The following B4GALT4 variants were observed in gnomAD, a reference collection of about 807,000 sequenced individuals.
The protein encoded by B4GALT4 is beta-1,4-galactosyltransferase 4, also known as N-acetyllactosamine synthase.
In B4GALT4, 27 loss-of-function variants were observed where a neutral mutation model predicts 37.3. The ratio of observed to expected loss-of-function variants is 0.72; its 90% CI spans 0.53 to 1.00. The LOEUF is 1.00. Among genes scored for constraint, B4GALT4 ranks in the 50% least tolerant of loss-of-function variants. The pLI, the probability that B4GALT4 is intolerant of heterozygous loss-of-function variation, is 0.00. For missense variants in B4GALT4, 372 were observed against 413.1 expected (o/e 0.90, Z 0.86); for synonymous variants, 148 against 154.1 (o/e 0.96, Z 0.29).
chr3:119,224,485 C>G (rs6438507), intron 4 of B4GALT4, among the ~76,000 whole-genome samples: 150,526 of 152,356 alleles, frequency 0.99, 74,388 homozygotes, highest in Middle Eastern at 1. Context: ...AATCCAAAGA[C>G]TTGTTGTTTA....
rs1029615231 is a variant in B4GALT4, at chr3:119,236,947, G to A, written c.-240C>T. 7 of 152,102 alleles carry A rather than the reference G, an allele frequency of 4.6e-5. No individual in the cohort carries two copies. The highest frequency in any genetic ancestry group is 4.1e-4 in the South Asian group (2 of 4,832). The allele number at this position is 152,102 out of a possible 1,614,324, so 9.4% of individuals were successfully genotyped here. On this transcript the variant is annotated 5_prime_UTR_variant, in exon 2 of 8. In the 5' UTR this introduces an upstream ATG that the reference lacks. Coordinates refer to ENST00000393765, the MANE Select transcript of B4GALT4 (RefSeq NM_003778.4). ...CCTTGGCTTGGGGAGGAAGTGTTGC[G>A]TGGCCTGCCTCTTCCTTCATGAAGC... is the stretch of plus-strand genomic sequence containing the variant.
At chr3:119,219,803 C>A (rs773743716) in intron 5 of B4GALT4, among the ~76,000 whole-genome samples, 4 of 152,278 alleles carry the variant, frequency 2.6e-5, no homozygotes, top group Non-Finnish European at 5.9e-5. Flanking sequence ...ATAAAGGTAT[C>A]CCTTAAATAT....
intron 4 of B4GALT4, among the ~76,000 whole-genome samples, chr3:119,224,739 C>T (rs1166713461): frequency 6.6e-6 from 1 of 152,040 alleles, no homozygotes; most frequent in Non-Finnish European, 1.5e-5. Flanking sequence ...TTTTTAAAAG[C>T]AGCTTTAAAA....
chr3:119,230,333 C>T lies in B4GALT4; in HGVS notation c.-145-89G>A, dbSNP rs111231587. ...CCAGCACAAACTGAAAACCCATCCC[C>T]GATGGACCTTGACTAACCGTAATGG... On this transcript the variant is annotated intron_variant, in intron 2 of 7. Coordinates refer to ENST00000393765, the MANE Select transcript of B4GALT4 (RefSeq NM_003778.4). 3.9e-3 allele frequency: 2,188 copies of T among 565,196 alleles called. 28 individuals carry two copies. The highest frequency in any genetic ancestry group is 0.034 in the African/African-American group (1,814 of 53,196). 35.0% of individuals were successfully genotyped at this position (565,196 alleles called of 1,614,324 possible). A position where few individuals can be genotyped will look rare whatever the true frequency, so the allele number is the denominator to read the frequency against.
Position 119,212,041 on chromosome 3 carries a change from T to G in B4GALT4, c.*508A>C. The G allele has an allele frequency of 1.5e-6, 1 of 662,972 alleles. No homozygotes were observed. Among genetic ancestry groups the G allele is most frequent in the Non-Finnish European group, 2.7e-6 (1 of 364,832 alleles). 41.1% of individuals were successfully genotyped at this position (662,972 alleles called of 1,614,324 possible). On this transcript the variant is annotated 3_prime_UTR_variant, in exon 8 of 8. Coordinates refer to ENST00000393765, the MANE Select transcript of B4GALT4 (RefSeq NM_003778.4). ...TTCACTGTGTCCTGATTCGTCGCCT[T>G]TTCTCCCCTCTTTTGTGGACGCCTT... is the stretch of plus-strand genomic sequence containing the variant.
intron 3 of B4GALT4, 34 bp downstream of exon 3, chr3:119,229,813 T>A: frequency 6.2e-7 from 1 of 1,602,716 alleles, no homozygotes; most frequent in South Asian, 1.1e-5. Context: ...AAAGTTTGCA[T>A]ACTACTTAAT....
intron 1 of B4GALT4, among the ~76,000 whole-genome samples, chr3:119,239,325 C>CAAAAAAA (rs10684280): frequency 8.3e-6 from 1 of 121,010 alleles, no homozygotes; most frequent in Non-Finnish European, 1.7e-5. Flanking sequence ...GATTCCATCT[C>CAAAAAAA]AAAAAAAAAA....
At chr3:119,236,263 G>GA (rs1412023584) in intron 2 of B4GALT4, 2 of 148,872 alleles carry the variant, frequency 1.3e-5, no homozygotes, top group African/African-American at 4.9e-5. Context: ...TAAGGAGAAA[G>GA]AAAAACTAAA....
intron 3 of B4GALT4, among the ~76,000 whole-genome samples, chr3:119,229,452 A>T (rs1157898953): frequency 6.6e-6 from 1 of 152,274 alleles, no homozygotes; most frequent in Non-Finnish European, 1.5e-5. Flanking sequence ...GTTAAGCAAC[A>T]GAAGCCAAAT....
At chr3:119,240,052 T>C (rs1036090149) in intron 1 of B4GALT4, 1 of 151,220 alleles carries the variant, frequency 6.6e-6, no homozygotes, top group Non-Finnish European at 1.5e-5. Context: ...CCATTTTCTT[T>C]TTCCTCCTTT....
At chr3:119,218,846 AG>A in intron 5 of B4GALT4, 74 bp from the exon 6 acceptor site, 2 of 1,566,146 alleles carry the variant, frequency 1.3e-6, no homozygotes, top group Non-Finnish European at 8.7e-7. Context: ...CTGGCGTTCT[AG>A]GAACACCTGG....
intron 3 of B4GALT4, among the ~76,000 whole-genome samples, chr3:119,227,421 G>A (rs2078658872): frequency 6.6e-6 from 1 of 152,150 alleles, no homozygotes; most frequent in Non-Finnish European, 1.5e-5. Context: ...TCCAGGAGGA[G>A]GGGAAAATCT....
At chr3:119,237,518 T>C (rs573696936) in intron 1 of B4GALT4, among the ~76,000 whole-genome samples, 2 of 152,332 alleles carry the variant, frequency 1.3e-5, no homozygotes, top group South Asian at 4.1e-4. Context: ...CCAAAGCCAA[T>C]GGGTCAGAAC....
chr3:119,224,585 T>C (rs1017926675), intron 4 of B4GALT4, among the ~76,000 whole-genome samples: 2 of 152,244 alleles, frequency 1.3e-5, no homozygotes, highest in African/African-American at 4.8e-5. Flanking sequence ...ATATATTGCA[T>C]AATTATGCAT....
At position 119,224,199 on chromosome 3, in the gene B4GALT4, T is replaced by C; in HGVS notation, c.533A>G (p.Tyr178Cys). The C allele has an allele frequency of 6.2e-7, 1 of 1,613,516 alleles. No individual in the cohort carries two copies. The highest frequency in any genetic ancestry group is 8.5e-7 in the Non-Finnish European group (1 of 1,179,810). The part of the protein sequence containing the change: ...FNRAKLLNVG[Y>C]LEALKEENWD... ...ATTTTCTTCCTTGAGGGCTTCTAGATAGCCCACATTCAAGAGTTTGGCTCG... is the reference window on the plus strand; with the variant it reads ...ATTTTCTTCCTTGAGGGCTTCTAGACAGCCCACATTCAAGAGTTTGGCTCG... Residue 178 changes from tyrosine to cysteine, a missense_variant, in exon 5 of 8, where the codon TAT (tyrosine) becomes TGT (cysteine). Coordinates refer to ENST00000393765, the MANE Select transcript of B4GALT4 (RefSeq NM_003778.4).
At chr3:119,218,799 G>C (rs1223867884) in intron 5 of B4GALT4, 27 bp from the exon 6 acceptor site, 3 of 1,613,250 alleles carry the variant, frequency 1.9e-6, no homozygotes, top group Non-Finnish European at 2.5e-6. Context: ...GAGAGAAATG[G>C]TAAGAATATT....
intron 5 of B4GALT4, among the ~76,000 whole-genome samples, chr3:119,221,344 C>T (rs147804572): frequency 2.0e-5 from 3 of 152,210 alleles, no homozygotes; most frequent in African/African-American, 4.8e-5. Context: ...ACTTTAACTT[C>T]TTCCCTCTGC....
Position 119,212,791 on chromosome 3 carries a change from G to C in B4GALT4, c.903-110C>G, listed in dbSNP as rs1409650996. On this transcript the variant is annotated intron_variant, in intron 7 of 7. Coordinates refer to ENST00000393765, the MANE Select transcript of B4GALT4 (RefSeq NM_003778.4). ...CATATTTTTGTAAATTATTGTACCT[G>C]TTGTGTTTCCTACCATTACAAAGTT... is the stretch of plus-strand genomic sequence containing the variant. 2.8e-6 allele frequency: 3 copies of C among 1,063,254 alleles called. No homozygotes were observed. In the African/African-American group the frequency reaches 4.9e-5, roughly 17 times the overall value. 65.9% of individuals were successfully genotyped at this position (1,063,254 alleles called of 1,614,324 possible).
At chr3:119,224,719 A>T (rs941475643) in intron 4 of B4GALT4, among the ~76,000 whole-genome samples, 1 of 152,218 alleles carries the variant, frequency 6.6e-6, no homozygotes, top group East Asian at 1.9e-4. Context: ...TGTGTTTCAC[A>T]ATTAAAAATT....
Sources: gnomAD v4.1 joint callset for allele counts (sites outside exome capture counted in the v4.1 genomes callset) on GRCh38, gnomAD v4.1.1 for gene constraint, MANE v1.5 for transcripts, NCBI Gene and HGNC (gene_info 2026-07-23, HGNC 2026-07-21) for gene names.